Variants in CNTNAP5 observed in about 807,000 individuals in gnomAD.
CNTNAP5 encodes contactin-associated protein-like 5.
CNTNAP5 carries 72 observed loss-of-function variants against 150.2 expected under a neutral mutation model. That is an observed-to-expected ratio of 0.48 (90% CI 0.40 to 0.58). CNTNAP5 has a LOEUF of 0.58. Ranked by LOEUF, CNTNAP5 falls within the 20% of genes least tolerant of loss-of-function variation. CNTNAP5 has a pLI of 0.00. For missense variants in CNTNAP5, 1,636 were observed against 1,626.2 expected (o/e 1.01, Z -0.10); for synonymous variants, 672 against 619.8 (o/e 1.08, Z -1.25).
chr2:124,394,872 C>A (rs2104752210), intron 3 of CNTNAP5, among the ~76,000 whole-genome samples: 1 of 152,304 alleles, frequency 6.6e-6, no homozygotes, highest in East Asian at 1.9e-4. Context: ...AGCTCCAATT[C>A]AGGCTTAATA....
intron 4 of CNTNAP5, among the ~76,000 whole-genome samples, chr2:124,419,912 C>CTTTCTTT (rs1553466629): frequency 8.3e-6 from 1 of 119,930 alleles, no homozygotes; most frequent in African/African-American, 3.6e-5. Context: ...TTCTTTCTTT[C>CTTTCTTT]TTTCTTTCTT....
chr2:124,851,414 T>A (rs1040001955), intron 19 of CNTNAP5, among the ~76,000 whole-genome samples: 1 of 152,138 alleles, frequency 6.6e-6, no homozygotes, highest in East Asian at 1.9e-4. Flanking sequence ...CTAATGGGAA[T>A]TATATAGCAG....
At chr2:124,425,185 C>T (rs1692211252) in intron 4 of CNTNAP5, among the ~76,000 whole-genome samples, 1 of 152,206 alleles carries the variant, frequency 6.6e-6, no homozygotes, top group Admixed American at 6.5e-5. Flanking sequence ...CACTAAGTGG[C>T]TTAGTCTGTG....
chr2:124,874,718 G>A (rs935629112), intron 21 of CNTNAP5, among the ~76,000 whole-genome samples: 1 of 151,984 alleles, frequency 6.6e-6, no homozygotes, highest in Non-Finnish European at 1.5e-5. Flanking sequence ...ATGGAAACAG[G>A]TTAAAGTTTA....
At chr2:124,082,382 A>G (rs976780025) in intron 1 of CNTNAP5, among the ~76,000 whole-genome samples, 7 of 150,760 alleles carry the variant, frequency 4.6e-5, no homozygotes, top group African/African-American at 1.7e-4. Flanking sequence ...AAGGACTCAT[A>G]CAGAATCCAA....
chr2:124,267,758 C>T (rs1687647995), intron 3 of CNTNAP5, among the ~76,000 whole-genome samples: 1 of 152,060 alleles, frequency 6.6e-6, no homozygotes, highest in African/African-American at 2.4e-5. Context: ...GTTCTGTATA[C>T]AAGATTATGT....
At chr2:124,309,297 C>A (rs1242245202) in intron 3 of CNTNAP5, among the ~76,000 whole-genome samples, 1 of 152,086 alleles carries the variant, frequency 6.6e-6, no homozygotes, top group East Asian at 1.9e-4. Context: ...ACTGTGACAG[C>A]AACTCTAAAG....
intron 3 of CNTNAP5, among the ~76,000 whole-genome samples, chr2:124,384,258 T>G (rs1035580161): frequency 6.6e-6 from 1 of 152,300 alleles, no homozygotes; most frequent in East Asian, 1.9e-4. Flanking sequence ...TCCTTGGCTA[T>G]GTCCAGTTCA....
At chr2:124,082,220 G>T (rs1682573754) in intron 1 of CNTNAP5, among the ~76,000 whole-genome samples, 1 of 151,830 alleles carries the variant, frequency 6.6e-6, no homozygotes, top group Non-Finnish European at 1.5e-5. Flanking sequence ...GTGGTGGCAG[G>T]CGCCTGTAGT....
intron 11 of CNTNAP5, among the ~76,000 whole-genome samples, chr2:124,576,166 ATC>A (rs1464402142): frequency 7.2e-5 from 11 of 151,950 alleles, no homozygotes; most frequent in African/African-American, 2.7e-4. Flanking sequence ...CTATATCTAT[ATC>A]TATATATATG....
intron 3 of CNTNAP5, among the ~76,000 whole-genome samples, chr2:124,355,586 C>T (rs1465188750): frequency 6.6e-6 from 1 of 152,136 alleles, no homozygotes; most frequent in Non-Finnish European, 1.5e-5. Flanking sequence ...CTTTCCTTTA[C>T]TTCATTTTGC....
In CNTNAP5 at chr2:124,179,711, G is replaced by A. The variant is rs920413778; in HGVS notation, c.83-41994G>A. Among the ~76,000 whole-genome samples the A allele has an allele frequency of 2.0e-5, 3 of 152,154 alleles. No homozygotes were observed. The East Asian group carries it at 5.8e-4, about 29-fold the overall frequency. On this transcript the variant is annotated intron_variant, in intron 1 of 23. Coordinates refer to ENST00000682447, the MANE Select transcript of CNTNAP5 (RefSeq NM_001367498.1). ...AGTTGCACGGCATGGAAGGGGTTGG[G>A]TTATTCCAAATCACCAAAAGACAAA...
intron 3 of CNTNAP5, among the ~76,000 whole-genome samples, chr2:124,311,180 AT>A (rs1046022478): frequency 4.6e-5 from 7 of 151,842 alleles, no homozygotes; most frequent in Non-Finnish European, 1.0e-4. Context: ...ATAACCTATC[AT>A]TTTTTTCCCT....
chr2:124,470,199 A>G (rs1276772849), intron 6 of CNTNAP5, among the ~76,000 whole-genome samples: 1 of 152,098 alleles, frequency 6.6e-6, no homozygotes, highest in East Asian at 1.9e-4. Flanking sequence ...CAATAGCGTA[A>G]AAGTGTTTCT....
chr2:124,783,953 T>G (rs1408901427), intron 17 of CNTNAP5, among the ~76,000 whole-genome samples: 1 of 152,150 alleles, frequency 6.6e-6, no homozygotes, highest in Non-Finnish European at 1.5e-5. Context: ...GTACCAAGAT[T>G]CTGCCAATTG....
In CNTNAP5 at chr2:124,139,304, C is replaced by T. The variant is rs184481337; in HGVS notation, c.83-82401C>T. On this transcript the variant is annotated intron_variant, in intron 1 of 23. Transcript: ENST00000682447. ...CACACACACACACACAATGCTGTTT[C>T]AAGAGACAAAAAAGCTCTCAAGATG... 1.1e-3 allele frequency among the ~76,000 whole-genome samples: 170 copies of T among 151,228 alleles called. 4 individuals are homozygous for T. In the East Asian group the frequency reaches 0.026, roughly 23 times the overall value.
intron 1 of CNTNAP5, among the ~76,000 whole-genome samples, chr2:124,057,536 C>T (rs1040825024): frequency 6.1e-5 from 9 of 147,036 alleles, no homozygotes; most frequent in Non-Finnish European, 1.3e-4. Context: ...GTGATCCGCC[C>T]GCCTTGGACT....
At chr2:124,870,253 A>G (rs539958030) in intron 21 of CNTNAP5, among the ~76,000 whole-genome samples, 1 of 151,446 alleles carries the variant, frequency 6.6e-6, no homozygotes, top group South Asian at 2.1e-4. Context: ...TATCTACTTG[A>G]TGAAGTGAAC....
At chr2:124,559,402 T>C (rs1695834586) in intron 10 of CNTNAP5, among the ~76,000 whole-genome samples, 1 of 152,202 alleles carries the variant, frequency 6.6e-6, no homozygotes, top group Non-Finnish European at 1.5e-5. Context: ...AAGTTTTTCC[T>C]GGGACACATC....
Sources: gnomAD v4.1 joint callset for allele counts (sites outside exome capture counted in the v4.1 genomes callset) on GRCh38, gnomAD v4.1.1 for gene constraint, MANE v1.5 for transcripts, NCBI Gene and HGNC (gene_info 2026-07-23, HGNC 2026-07-21) for gene names.